The following ITGA4 variants were observed in gnomAD, a reference collection of about 807,000 sequenced individuals.
ITGA4 encodes the protein integrin subunit alpha 4.
A neutral mutation model predicts 133.6 loss-of-function variants in ITGA4; 63 were observed. That is an observed-to-expected ratio of 0.47 (90% confidence interval 0.38 to 0.58). ITGA4 has a LOEUF of 0.58. ITGA4 is among the 20% of genes least tolerant of loss of function. The probability of loss-of-function intolerance (pLI) is 0.00; values close to 1 mark genes in which losing one functional copy is unlikely to be tolerated. For missense variants in ITGA4, 1,076 were observed against 1,252.7 expected (o/e 0.86, Z 2.13); for synonymous variants, 483 against 438.0 (o/e 1.10, Z -1.28).
intron 7 of ITGA4, 70 bp from the exon 8 acceptor site, chr2:181,482,290 A>G: frequency 2.8e-6 from 4 of 1,416,090 alleles, no homozygotes; most frequent in African/African-American, 1.4e-5. Flanking sequence ...TGTTTTGATC[A>G]AACAGAAAGG....
chr2:181,534,720 T>C lies in ITGA4; in HGVS notation c.2884-96T>C, dbSNP rs146747883. ...TGGGCTGGGCAGTTCTAAATACTAC[T>C]GGGGATTATGGCAGGGCTTTAAAGG... On this transcript the variant is annotated intron_variant, in intron 26 of 27. Coordinates refer to ENST00000397033, the MANE Select transcript of ITGA4 (RefSeq NM_000885.6). 1.9e-4 allele frequency: 203 copies of C among 1,045,188 alleles called. 1 individual carries two copies. In the East Asian group the frequency reaches 4.0e-3, roughly 20 times the overall value. 64.7% of individuals were successfully genotyped at this position (1,045,188 alleles called of 1,614,324 possible).
chr2:181,530,632 A>G lies in ITGA4; in HGVS notation c.2647A>G (p.Thr883Ala), dbSNP rs552622030. The G allele has an allele frequency of 1.2e-6, 2 of 1,612,526 alleles. No individual in the cohort carries two copies. The highest frequency in any genetic ancestry group is 2.7e-5 in the African/African-American group (2 of 75,028). Residue 883 changes from threonine (T) to alanine (A), a missense_variant, in exon 24 of 28, where the codon ACT (threonine) becomes GCT (alanine). Coordinates refer to ENST00000397033, the MANE Select transcript of ITGA4 (RefSeq NM_000885.6). ...AGGCATAGTCCGGTTCTTGTCCAAGACTGATAAGAGGCTATTGGTAAGTTT... is the reference window on the plus strand; with the variant it reads ...AGGCATAGTCCGGTTCTTGTCCAAGGCTGATAAGAGGCTATTGGTAAGTTT... ...LKGIVRFLSKTDKRLLYCIKA... is the reference protein window; with the variant it reads ...LKGIVRFLSKADKRLLYCIKA...
chr2:181,478,005 T>TA (rs1559041182), intron 4 of ITGA4, among the ~76,000 whole-genome samples: 1 of 152,104 alleles, frequency 6.6e-6, no homozygotes, highest in African/African-American at 2.4e-5. Context: ...TATACACACA[T>TA]ATATACATAA....
intron 6 of ITGA4, among the ~76,000 whole-genome samples, chr2:181,480,511 T>G (rs1685778442): frequency 6.6e-6 from 1 of 152,140 alleles, no homozygotes; most frequent in African/African-American, 2.4e-5. Flanking sequence ...CCTAGTTTAG[T>G]TTACTCTTTG....
intron 2 of ITGA4, among the ~76,000 whole-genome samples, chr2:181,461,970 TTACA>T (rs1263671960): frequency 2.6e-5 from 4 of 152,162 alleles, no homozygotes; most frequent in Admixed American, 2.6e-4. Context: ...AAATTATTGA[TTACA>T]TAATATTTTG....
At chr2:181,477,630 A>T (rs989660456) in intron 4 of ITGA4, among the ~76,000 whole-genome samples, 1 of 152,176 alleles carries the variant, frequency 6.6e-6, no homozygotes, top group African/African-American at 2.4e-5. Flanking sequence ...AATGCAAATT[A>T]CAAACCACTA....
chr2:181,513,079 A>T lies in ITGA4; in HGVS notation c.1922+1304A>T, dbSNP rs1385455790. 4.0e-5 allele frequency among the ~76,000 whole-genome samples: 6 copies of T among 151,716 alleles called. No individual in the cohort carries two copies. The East Asian group carries it at 1.2e-3, about 29-fold the overall frequency. On this transcript the variant is annotated intron_variant, in intron 17 of 27. Transcript: ENST00000397033. ...CCTTTAATTTTCATGATACTATCCT[A>T]CTCCCATTGTCTTAGTAGTTATTTA...
intron 22 of ITGA4, among the ~76,000 whole-genome samples, chr2:181,528,555 T>G (rs1007973048): frequency 1.4e-4 from 21 of 152,216 alleles, no homozygotes; most frequent in African/African-American, 4.8e-4. Flanking sequence ...AAACAGATGT[T>G]TGTGATTTAG....
Position 181,536,105 on chromosome 2 carries a change from A to AAT in ITGA4, c.*581_*582dup, listed in dbSNP as rs1286902084. ...AACCATTTTTTTTCAGCAGACTATGAATATTATAGTATTATAGGCCAAACT... is the reference window on the plus strand; with the variant it reads ...AACCATTTTTTTTCAGCAGACTATGAATATATTATAGTATTATAGGCCAAACT... On this transcript the variant is annotated 3_prime_UTR_variant, in exon 28 of 28. Coordinates refer to ENST00000397033, the MANE Select transcript of ITGA4 (RefSeq NM_000885.6). The AAT allele has an allele frequency of 3.3e-5, 5 of 152,026 alleles. No individual in the cohort carries two copies. The highest frequency in any genetic ancestry group is 1.2e-4 in the African/African-American group (5 of 41,396). 9.4% of individuals were successfully genotyped at this position (152,026 alleles called of 1,614,324 possible). A position where few individuals can be genotyped will look rare whatever the true frequency, so the allele number is the denominator to read the frequency against.
chr2:181,489,344 G>A (rs1301765987), intron 10 of ITGA4, among the ~76,000 whole-genome samples: 1 of 150,992 alleles, frequency 6.6e-6, no homozygotes, highest in African/African-American at 2.4e-5. Flanking sequence ...CTAAAAAGAT[G>A]ACCAATTGAT....
At chr2:181,522,120 C>A in intron 17 of ITGA4, 71 bp from the exon 18 acceptor site, 1 of 835,514 alleles carries the variant, frequency 1.2e-6, no homozygotes, top group Non-Finnish European at 1.9e-6. Context: ...TACATATATC[C>A]TTGTATGCAT....
At chr2:181,457,994 C>T (rs1188935981) in intron 1 of ITGA4, 143 bp downstream of exon 1, 2 of 1,131,688 alleles carry the variant, frequency 1.8e-6, no homozygotes, top group African/African-American at 1.6e-5. Flanking sequence ...CGCTGGAAAT[C>T]TGCCAGGGAA....
In ITGA4 at chr2:181,500,124, A is replaced by C. The variant is rs2105748654; in HGVS notation, c.1695+1347A>C. Among the ~76,000 whole-genome samples the C allele has an allele frequency of 5.3e-5, 8 of 152,300 alleles. No homozygotes were observed. In the South Asian group the frequency reaches 1.7e-3, roughly 32 times the overall value. ...CATATTGCAAATATTAAATGATAGC[A>C]CTTACTGCTGGGATTGTACATGGCA... On this transcript the variant is annotated intron_variant, in intron 15 of 27. Coordinates refer to ENST00000397033, the MANE Select transcript of ITGA4 (RefSeq NM_000885.6).
rs1395214649 is a variant in ITGA4, at chr2:181,475,249, C to T, written c.517C>T (p.Arg173Ter). Residue 173 changes from arginine (R) to a stop codon, truncating the protein, a stop_gained, in exon 4 of 28, where the codon CGA becomes TGA. Transcript: ENST00000397033. LOFTEE classifies it high-confidence loss of function. ...TTGCTATGGAGTGCCCCCTGATTTACGAACAGAACTGAGTAAAAGAATAGC... is the reference window on the plus strand; with the variant it reads ...TTGCTATGGAGTGCCCCCTGATTTATGAACAGAACTGAGTAAAAGAATAGC... ...GGCYGVPPDL[R>*]TELSKRIAPC... The T allele has an allele frequency of 1.2e-6, 2 of 1,612,584 alleles. No homozygotes were observed. Among genetic ancestry groups the T allele is most frequent in the African/African-American group, 1.3e-5 (1 of 74,880 alleles).
In ITGA4 at chr2:181,493,392, A is replaced by G; in HGVS notation, c.1221A>G (p.Ala407=). Residue 407 remains alanine, a synonymous_variant, in exon 11 of 28, where the codon GCA becomes GCG. Coordinates refer to ENST00000397033, the MANE Select transcript of ITGA4 (RefSeq NM_000885.6). ...CTATTTATATTTACAATGGCCGTGC[A>G]GATGGGATCTCGTCAACCTTCTCAC... ...QGAIYIYNGR[A]DGISSTFSQR... 1 of 1,612,144 alleles carries G rather than the reference A, an allele frequency of 6.2e-7. No homozygotes were observed. Among genetic ancestry groups the G allele is most frequent in the Non-Finnish European group, 8.5e-7 (1 of 1,178,438 alleles).
chr2:181,458,214 C>T lies in ITGA4; in HGVS notation c.216C>T (p.Pro72=), dbSNP rs369796625. The part of the protein sequence containing the change: ...GANRWLLVGA[P]TANWLANASV... ...GCTTTAGGCTCCTAGTGGGTGCGCC[C>T]ACTGCCAACTGGCTCGCCAACGCTT... The change falls in exon 2 of 28, where the codon CCC becomes CCT. Residue 72 remains proline (P), a synonymous_variant. Coordinates refer to ENST00000397033, the MANE Select transcript of ITGA4 (RefSeq NM_000885.6). The T allele has an allele frequency of 3.7e-6, 6 of 1,613,874 alleles. No individual in the cohort carries two copies. Among genetic ancestry groups the T allele is most frequent in the East Asian group, 2.2e-5 (1 of 44,870 alleles).
chr2:181,537,285 A>G lies in ITGA4; in HGVS notation c.*1758A>G, dbSNP rs1687182059. The G allele has an allele frequency of 2.2e-6, 1 of 453,580 alleles. No homozygotes were observed. The highest frequency in any genetic ancestry group is 4.4e-6 in the Non-Finnish European group (1 of 226,528). 28.1% of individuals were successfully genotyped at this position (453,580 alleles called of 1,614,324 possible). A position where few individuals can be genotyped will look rare whatever the true frequency, so the allele number is the denominator to read the frequency against. On this transcript the variant is annotated 3_prime_UTR_variant, in exon 28 of 28. Coordinates refer to ENST00000397033, the MANE Select transcript of ITGA4 (RefSeq NM_000885.6). ...TCCTACTCAGAACTACTCAGAAACA[A>G]CTATATATTTCAGGTTATCTGAGCA...
At position 181,531,771 on chromosome 2, in the gene ITGA4, G is replaced by A. The variant is rs1192940132; in HGVS notation, c.2779G>A (p.Glu927Lys). The change falls in exon 25 of 28, where the codon GAA becomes AAA. Residue 927 changes from glutamate (E) to lysine (K), a missense_variant. Transcript: ENST00000397033. ...IQLEGRPSIL[E>K]MDETSALKFE... The stretch of plus-strand genomic sequence containing the variant: ...ACTGGAAGGCCGGCCATCCATTTTA[G>A]AAATGGTAAGTAAGTCTAAAACATT... 1 of 1,595,628 alleles carries A rather than the reference G, an allele frequency of 6.3e-7. No individual in the cohort carries two copies. The highest frequency in any genetic ancestry group is 1.4e-5 in the African/African-American group (1 of 73,794).
intron 2 of ITGA4, among the ~76,000 whole-genome samples, chr2:181,467,320 T>C (rs1685442961): frequency 6.6e-6 from 1 of 152,066 alleles, no homozygotes; most frequent in Non-Finnish European, 1.5e-5. Flanking sequence ...GGTAAGTATA[T>C]ATGTTGTCTT....
Sources: gnomAD v4.1 joint callset for allele counts (sites outside exome capture counted in the v4.1 genomes callset) on GRCh38, gnomAD v4.1.1 for gene constraint, MANE v1.5 for transcripts, NCBI Gene and HGNC (gene_info 2026-07-23, HGNC 2026-07-21) for gene names.